The following HECTD4 variants were observed in gnomAD, a reference collection of about 807,000 sequenced individuals.
HECTD4 encodes the protein probable E3 ubiquitin-protein ligase HECTD4.
A neutral mutation model predicts 471.5 loss-of-function variants in HECTD4; 114 were observed. That is an observed-to-expected ratio of 0.24 (90% CI 0.21 to 0.28). HECTD4 has a LOEUF of 0.28. HECTD4 is among the 10% of genes least tolerant of loss of function. The pLI is 1.00. For missense variants in HECTD4, 3,866 were observed against 5,651.5 expected (o/e 0.68, Z 10.13); for synonymous variants, 2,012 against 2,256.0 (o/e 0.89, Z 3.07).
intron 1 of HECTD4, among the ~76,000 whole-genome samples, chr12:112,320,691 A>T (rs1566110761): frequency 6.6e-6 from 1 of 151,062 alleles, no homozygotes; most frequent in Non-Finnish European, 1.5e-5. Flanking sequence ...ACAGAGTGAG[A>T]CTCTGTCTTA....
rs745678878 is a variant in HECTD4 at position 112,231,590 on chromosome 12, C to T, written c.6123G>A (p.Val2041=). 6.8e-6 allele frequency: 11 copies of T among 1,613,986 alleles called. No individual in the cohort carries two copies. Among genetic ancestry groups the T allele is most frequent in the Non-Finnish European group, 9.3e-6 (11 of 1,179,888 alleles). The change falls in exon 39 of 76, where the codon GTG becomes GTA. Residue 2041 remains valine (V), a synonymous_variant. Coordinates refer to ENST00000682272, the MANE Select transcript of HECTD4 (RefSeq NM_001388303.1). The stretch of plus-strand genomic sequence containing the variant: ...TTTTGTCGCCTGTGGATAGTCCACT[C>T]ACAGTCTCTGGGTTGATAGACTCTA... The part of the protein sequence containing the change: ...PPVESINPET[V]SGLSTGDKKK...
rs751258067 is a variant in HECTD4 at position 112,228,132 on chromosome 12, G to A, written c.6811C>T (p.Pro2271Ser). 4 of 1,613,748 alleles carry A rather than the reference G, an allele frequency of 2.5e-6. No homozygotes were observed. The highest frequency in any genetic ancestry group is 3.4e-6 in the Non-Finnish European group (4 of 1,179,810). ...AGGAGCCGAACGACTGCCATCACAG[G>A]AGCTGACCCATCTCCTGTTGCAGGA... ...SLPATGDGSAPVMAVVRLLAE... is the reference protein window; with the variant it reads ...SLPATGDGSASVMAVVRLLAE... The change falls in exon 43 of 76, where the codon CCT becomes TCT. Residue 2271 changes from proline to serine, a missense_variant. Pro to Ser is a moderately conservative substitution (Grantham distance 74). Around this residue, in one of 16 missense-constraint regions of HECTD4, gnomAD observed 617 missense variants for 915.1 expected, o/e 0.67. Transcript: ENST00000682272. This position sits in a 1 kb window ranked among gnomAD's most constrained non-coding sequence, Gnocchi z 4.9.
intron 7 of HECTD4, among the ~76,000 whole-genome samples, chr12:112,295,148 A>G (rs73207642): frequency 5.3e-5 from 8 of 150,166 alleles, no homozygotes; most frequent in African/African-American, 2.0e-4. Flanking sequence ...GAAAAAAAAA[A>G]AGAGAGAGAA....
chr12:112,164,829 C>T (rs1407931146), intron 72 of HECTD4, among the ~76,000 whole-genome samples: 1 of 151,152 alleles, frequency 6.6e-6, no homozygotes, highest in Admixed American at 6.6e-5. Context: ...ACTATGTTGG[C>T]CAGGCTGGTC....
At chr12:112,164,636 T>C (rs1206253621) in intron 72 of HECTD4, among the ~76,000 whole-genome samples, 5 of 152,038 alleles carry the variant, frequency 3.3e-5, no homozygotes, top group Non-Finnish European at 7.4e-5. Context: ...TTTTTTTTTT[T>C]TGAGACGGAG....
intron 10 of HECTD4, among the ~76,000 whole-genome samples, chr12:112,274,108 T>C (rs141428528): frequency 1.3e-5 from 2 of 152,322 alleles, no homozygotes; most frequent in South Asian, 2.1e-4. Flanking sequence ...ACAGGTATAA[T>C]AGGACCAATT....
chr12:112,318,174 A>T (rs2035520721), intron 2 of HECTD4, among the ~76,000 whole-genome samples: 1 of 151,916 alleles, frequency 6.6e-6, no homozygotes, highest in African/African-American at 2.4e-5. Context: ...CTGAGGCAGG[A>T]GAATCACTTG....
At chr12:112,222,557 C>A (rs2033127699) in intron 44 of HECTD4, among the ~76,000 whole-genome samples, 2 of 152,166 alleles carry the variant, frequency 1.3e-5, no homozygotes, top group African/African-American at 4.8e-5. Flanking sequence ...TTCCTAGCTA[C>A]TCGGTAGGCT....
chr12:112,254,462 A>C (rs1190721127), intron 21 of HECTD4, among the ~76,000 whole-genome samples: 2 of 152,224 alleles, frequency 1.3e-5, no homozygotes, highest in Non-Finnish European at 2.9e-5. Context: ...AGTTATACTC[A>C]GTTATTGTAC....
chr12:112,170,056 AT>A, intron 69 of HECTD4: 1 of 549,378 alleles, frequency 1.8e-6, no homozygotes, highest in Admixed American at 3.1e-5. Flanking sequence ...TGGAATCCCC[AT>A]TTTTGGCAGG....
intron 1 of HECTD4, among the ~76,000 whole-genome samples, chr12:112,335,561 G>A (rs559429081): frequency 7.2e-5 from 11 of 152,178 alleles, no homozygotes; most frequent in East Asian, 1.9e-4. Flanking sequence ...AGTGGTGCGC[G>A]CCTGTAGTCC....
Position 112,319,748 on chromosome 12 carries a change from G to A in HECTD4, c.178-6C>T, listed in dbSNP as rs2035548230. On this transcript the variant is annotated splice_region_variant and splice_polypyrimidine_tract_variant and intron_variant, in intron 1 of 75. Coordinates refer to ENST00000682272, the MANE Select transcript of HECTD4 (RefSeq NM_001388303.1). The surrounding 1 kb of genome is among the most constrained non-coding windows in gnomAD (Gnocchi z 5.3). ...TTGGTCTCAAAGGTTAAAATCTAAG[G>A]AAAAAGACGATGGAGAAGTGGGTAA... The A allele has an allele frequency of 1.6e-6, 2 of 1,245,738 alleles. No homozygotes were observed. Among genetic ancestry groups the A allele is most frequent in the Non-Finnish European group, 2.0e-6 (2 of 995,398 alleles). 77.2% of individuals were successfully genotyped at this position (1,245,738 alleles called of 1,614,324 possible).
intron 1 of HECTD4, among the ~76,000 whole-genome samples, chr12:112,347,072 T>C (rs2036165660): frequency 6.6e-6 from 1 of 152,100 alleles, no homozygotes; most frequent in Admixed American, 6.5e-5. Context: ...TCCTCTGGCC[T>C]CGACTTTTCA....
chr12:112,328,439 A>C (rs2035789327), intron 1 of HECTD4, among the ~76,000 whole-genome samples: 1 of 152,190 alleles, frequency 6.6e-6, no homozygotes, highest in African/African-American at 2.4e-5. Flanking sequence ...TGCCCTGCCA[A>C]TACAAAACTT....
chr12:112,333,136 G>A (rs930120927), intron 1 of HECTD4, among the ~76,000 whole-genome samples: 4 of 151,568 alleles, frequency 2.6e-5, no homozygotes, highest in Non-Finnish European at 4.4e-5. Context: ...TTTCATTTTC[G>A]GCTATTACGA....
intron 7 of HECTD4, among the ~76,000 whole-genome samples, chr12:112,294,107 G>C (rs1028025704): frequency 6.6e-6 from 1 of 151,982 alleles, no homozygotes; most frequent in Non-Finnish European, 1.5e-5. Context: ...TCACTTTATT[G>C]CTCAGACTGG....
chr12:112,176,495 G>C, intron 65 of HECTD4, 101 bp downstream of exon 65: 1 of 776,848 alleles, frequency 1.3e-6, no homozygotes, highest in South Asian at 1.5e-5. Flanking sequence ...CCCAGTAGGA[G>C]TGGCCAGTCA....
At position 112,185,459 on chromosome 12, in the gene HECTD4, G is replaced by A. The variant is rs757645293; in HGVS notation, c.9507C>T (p.Cys3169=). Residue 3169 remains cysteine, a synonymous_variant, in exon 61 of 76, where the codon TGC becomes TGT. Transcript: ENST00000682272. ...GGAGATGGAAAACAAGCTCCTTCAC[G>A]CAGGCTGCCATGTCCGTGGTCCACA... is the stretch of plus-strand genomic sequence containing the variant. ...NFLWTTDMAA[C]VKELVFHLLA... is the part of the protein sequence containing the mutation. The A allele has an allele frequency of 7.0e-6, 11 of 1,568,750 alleles. No individual in the cohort carries two copies. The East Asian group carries it at 1.1e-4, about 16-fold the overall frequency.
Position 112,162,114 on chromosome 12 carries a change from C to T in HECTD4, c.*273G>A. On this transcript the variant is annotated 3_prime_UTR_variant, in exon 76 of 76. Coordinates refer to ENST00000682272, the MANE Select transcript of HECTD4 (RefSeq NM_001388303.1). The surrounding 1 kb of genome is among the most constrained non-coding windows in gnomAD (Gnocchi z 5.2). The stretch of plus-strand genomic sequence containing the variant: ...ATCTGGTGGCCATGAGGGACAATGT[C>T]CAAGAAGATCAAATTAGACACAAAC... The T allele has an allele frequency of 1.0e-5, 4 of 393,168 alleles. No homozygotes were observed. In the South Asian group the frequency reaches 1.4e-4, roughly 14 times the overall value. 24.4% of individuals were successfully genotyped at this position (393,168 alleles called of 1,614,324 possible). A position where few individuals can be genotyped will look rare whatever the true frequency, so the allele number is the denominator to read the frequency against.
Sources: allele counts gnomAD v4.1 joint callset (sites outside exome capture counted in the v4.1 genomes callset), GRCh38; gene constraint gnomAD v4.1.1; regional missense constraint gnomAD v4.1.1; non-coding constraint Gnocchi (gnomAD v3.1); transcripts MANE v1.5; gene names NCBI Gene and HGNC (gene_info 2026-07-23, HGNC 2026-07-21).